EPB41L1: variants seen among roughly 807,000 people sequenced by gnomAD.
EPB41L1 encodes band 4.1-like protein 1.
A neutral mutation model predicts 97.8 loss-of-function variants in EPB41L1; 29 were observed. The ratio of observed to expected loss-of-function variants is 0.30; its 90% CI spans 0.22 to 0.40. The LOEUF (loss-of-function observed/expected upper bound fraction) is 0.40, where lower values mean the gene tolerates loss of function less well. Ranked by LOEUF, EPB41L1 falls within the 10% of genes least tolerant of loss-of-function variation. The probability of loss-of-function intolerance (pLI) is 1.00; values close to 1 mark genes in which losing one functional copy is unlikely to be tolerated. For synonymous variants in EPB41L1, 383 were observed against 459.2 expected (o/e 0.83, Z 2.12); for missense variants, 812 against 1,162.3 (o/e 0.70, Z 4.38).
At chr20:36,203,049 T>C (rs983768087) in intron 14 of EPB41L1, among the ~76,000 whole-genome samples, 1 of 152,208 alleles carries the variant, frequency 6.6e-6, no homozygotes, top group African/African-American at 2.4e-5. Flanking sequence ...GACGGTCCCC[T>C]GGCTCCAGAA....
At chr20:36,219,647 T>C in intron 18 of EPB41L1, 114 bp from the exon 19 acceptor site, 1 of 834,700 alleles carries the variant, frequency 1.2e-6, no homozygotes, top group East Asian at 2.4e-5. Flanking sequence ...GCTGAAAGCA[T>C]CTTGGCTTCG....
At chr20:36,205,918 A>G in intron 14 of EPB41L1, 2 of 1,289,872 alleles carry the variant, frequency 1.6e-6, no homozygotes, top group Non-Finnish European at 2.0e-6. Context: ...CCTAAAAGTG[A>G]CCACCATGCA....
intron 1 of EPB41L1, among the ~76,000 whole-genome samples, chr20:36,106,083 G>T (rs1471163215): frequency 6.6e-6 from 1 of 152,188 alleles, no homozygotes; most frequent in African/African-American, 2.4e-5. Context: ...GGAGGGCAGG[G>T]TGCCTAGCCC....
intron 12 of EPB41L1, 60 bp downstream of exon 12, chr20:36,194,420 T>C (rs1337906213): frequency 1.6e-5 from 25 of 1,549,230 alleles, no homozygotes; most frequent in Non-Finnish European, 1.7e-6. Context: ...ACCTGAGGTC[T>C]AGCCTCGGCC....
At chr20:36,159,236 C>A (rs537016088) in intron 1 of EPB41L1, among the ~76,000 whole-genome samples, 43 of 152,168 alleles carry the variant, frequency 2.8e-4, no homozygotes, top group Non-Finnish European at 5.1e-4. Flanking sequence ...GCACATCTGG[C>A]CTGTTTTTCC....
intron 1 of EPB41L1, among the ~76,000 whole-genome samples, chr20:36,104,140 C>G (rs1316985453): frequency 6.6e-6 from 1 of 152,126 alleles, no homozygotes; most frequent in African/African-American, 2.4e-5. Flanking sequence ...CAGTAAGACT[C>G]TAGTACAAGA....
In EPB41L1 at chr20:36,212,505, C is replaced by G. The variant is rs1336962656; in HGVS notation, c.2184+129C>G. ...GCTTCCCTGGAACCCATATGTTAAT[C>G]CTGATGCTCTCCTGTGCCTCAGTGT... On this transcript the variant is annotated intron_variant, in intron 16 of 21. Transcript: ENST00000338074. This position sits in a 1 kb window ranked among gnomAD's most constrained non-coding sequence, Gnocchi z 4.8. 3.9e-6 allele frequency: 3 copies of G among 763,216 alleles called. No homozygotes were observed. Among genetic ancestry groups the G allele is most frequent in the Non-Finnish European group, 6.7e-6 (3 of 448,910 alleles). The allele number at this position is 763,216 out of a possible 1,614,324, so 47.3% of individuals were successfully genotyped here.
chr20:36,164,150 A>C (rs146610743), intron 1 of EPB41L1, among the ~76,000 whole-genome samples: 34 of 152,238 alleles, frequency 2.2e-4, no homozygotes, highest in Non-Finnish European at 4.3e-4. Context: ...GGCCCCTGCC[A>C]GTGTCTTCTA....
Position 36,190,287 on chromosome 20 carries a change from T to C in EPB41L1, c.1037T>C (p.Phe346Ser). The stretch of plus-strand genomic sequence containing the variant: ...CTTTTGGTTTTCCAGTATGAGCAAT[T>C]TGAGAGCACAATTGGCTTTAAGCTC... ...IKIRPGEYEQ[F>S]ESTIGFKLPN... Residue 346 changes from phenylalanine to serine, a missense_variant, in exon 10 of 22, where the codon TTT becomes TCT. Physicochemically the swap from Phe to Ser is radical, Grantham distance 155 (BLOSUM62 -2). Transcript: ENST00000338074. This position sits in a 1 kb window ranked among gnomAD's most constrained non-coding sequence, Gnocchi z 5.8. The C allele has an allele frequency of 6.2e-7, 1 of 1,614,150 alleles. No homozygotes were observed. Among genetic ancestry groups the C allele is most frequent in the South Asian group, 1.1e-5 (1 of 91,064 alleles).
At chr20:36,128,315 A>T (rs956728810) in intron 2 of EPB41L1, among the ~76,000 whole-genome samples, 2 of 152,036 alleles carry the variant, frequency 1.3e-5, no homozygotes, top group African/African-American at 4.8e-5. Flanking sequence ...GAAAGTTCAG[A>T]CTGAGGAGGG....
chr20:36,190,323 G>A lies in EPB41L1; in HGVS notation c.1073G>A (p.Arg358Gln), dbSNP rs565289806. ...ATTGGCTTTAAGCTCCCAAACCACC[G>A]GTCAGCCAAGAGACTGTGGAAGGTC... is the stretch of plus-strand genomic sequence containing the variant. ...STIGFKLPNH[R>Q]SAKRLWKVCI... The change falls in exon 10 of 22, where the codon CGG becomes CAG. Residue 358 changes from arginine to glutamine, a missense_variant. Physicochemically the swap from Arg to Gln is conservative, Grantham distance 43. Transcript: ENST00000338074. This position sits in a 1 kb window ranked among gnomAD's most constrained non-coding sequence, Gnocchi z 5.8. The A allele has an allele frequency of 2.2e-5, 36 of 1,614,130 alleles. No individual in the cohort carries two copies. The highest frequency in any genetic ancestry group is 1.5e-4 in the Admixed American group (9 of 60,022).
At position 36,200,234 on chromosome 20, in the gene EPB41L1, G is replaced by T. The variant is rs570950169; in HGVS notation, c.1668+2193G>T. On this transcript the variant is annotated intron_variant, in intron 14 of 21. Transcript: ENST00000338074. ...ACCAAAATGGTCATTCCATAGGGTAGTTGGGAAAGTAGAGTGAAATAATTA... is the reference window on the plus strand; with the variant it reads ...ACCAAAATGGTCATTCCATAGGGTATTTGGGAAAGTAGAGTGAAATAATTA... Among the ~76,000 whole-genome samples the T allele has an allele frequency of 6.9e-4, 105 of 152,328 alleles. 2 individuals are homozygous for T. In the South Asian group the frequency reaches 0.021, roughly 30 times the overall value.
intron 2 of EPB41L1, among the ~76,000 whole-genome samples, chr20:36,133,055 G>C (rs902973758): frequency 6.6e-6 from 1 of 152,248 alleles, no homozygotes; most frequent in Non-Finnish European, 1.5e-5. Context: ...AATTACACAA[G>C]TGACTAATTT....
chr20:36,154,984 C>A lies in EPB41L1; in HGVS notation c.-15+88C>A. On this transcript the variant is annotated intron_variant, in intron 1 of 21. Coordinates refer to ENST00000338074, the MANE Select transcript of EPB41L1 (RefSeq NM_012156.2). This position sits in a 1 kb window ranked among gnomAD's most constrained non-coding sequence, Gnocchi z 5.5. ...CTCCAGCCCTGGGGAGGAACGGGGG[C>A]GAGGCCGAGAACTGAGTTTTCAGGC... The A allele has an allele frequency of 8.9e-7, 1 of 1,122,908 alleles. No individual in the cohort carries two copies. The highest frequency in any genetic ancestry group is 1.1e-6 in the Non-Finnish European group (1 of 880,694). 69.6% of individuals were successfully genotyped at this position (1,122,908 alleles called of 1,614,324 possible).
intron 1 of EPB41L1, among the ~76,000 whole-genome samples, chr20:36,170,659 A>G (rs2060949848): frequency 6.6e-6 from 1 of 152,128 alleles, no homozygotes. Flanking sequence ...AGCCAAGTAC[A>G]GTGGAGAGAA....
At chr20:36,129,281 G>A (rs2059096412) in intron 2 of EPB41L1, among the ~76,000 whole-genome samples, 1 of 152,128 alleles carries the variant, frequency 6.6e-6, no homozygotes, top group South Asian at 2.1e-4. Flanking sequence ...GCTCTTGTAC[G>A]TGAGGCCTCT....
chr20:36,155,083 G>A (rs956750149), intron 1 of EPB41L1, 187 bp downstream of exon 1: 65 of 563,540 alleles, frequency 1.2e-4, no homozygotes, highest in Non-Finnish European at 1.9e-4. Flanking sequence ...CCTCCTCCAA[G>A]GCCTGGAGAG....
intron 1 of EPB41L1, among the ~76,000 whole-genome samples, chr20:36,106,937 G>C (rs537247714): frequency 6.6e-6 from 1 of 152,020 alleles, no homozygotes; most frequent in Admixed American, 6.5e-5. Flanking sequence ...GGAATAGTTG[G>C]GATTACAGGC....
intron 1 of EPB41L1, among the ~76,000 whole-genome samples, chr20:36,106,598 A>AT (rs952816636): frequency 6.6e-6 from 1 of 152,174 alleles, no homozygotes; most frequent in Non-Finnish European, 1.5e-5. Flanking sequence ...GTAAATATTA[A>AT]TTTTAGGTTC....
Sources: allele counts gnomAD v4.1 joint callset (sites outside exome capture counted in the v4.1 genomes callset), GRCh38; gene constraint gnomAD v4.1.1; non-coding constraint Gnocchi (gnomAD v3.1); transcripts MANE v1.5; gene names NCBI Gene and HGNC (gene_info 2026-07-23, HGNC 2026-07-21).